The following TACC1 variants were observed in gnomAD, a reference collection of about 807,000 sequenced individuals.
TACC1 encodes the protein transforming acidic coiled-coil-containing protein 1.
TACC1 carries 48 observed loss-of-function variants against 84.4 expected under a neutral mutation model. The observed-to-expected ratio is 0.57, with a 90% CI of 0.45 to 0.72. The LOEUF (loss-of-function observed/expected upper bound fraction) is 0.72. Among genes scored for constraint, TACC1 ranks in the 30% least tolerant of loss-of-function variants. The probability of loss-of-function intolerance (pLI) is 0.00; values close to 1 mark genes in which losing one functional copy is unlikely to be tolerated. For missense variants in TACC1, 920 were observed against 973.0 expected (o/e 0.95, Z 0.72); for synonymous variants, 372 against 376.3 (o/e 0.99, Z 0.13).
intron 3 of TACC1, among the ~76,000 whole-genome samples, chr8:38,759,598 C>T (rs911545048): frequency 6.6e-6 from 1 of 152,184 alleles, no homozygotes; most frequent in African/African-American, 2.4e-5. Flanking sequence ...CAATGCTTGC[C>T]TAAAAGCAAT....
intron 3 of TACC1, among the ~76,000 whole-genome samples, chr8:38,762,191 A>T (rs1156962930): frequency 1.3e-5 from 2 of 152,206 alleles, no homozygotes; most frequent in Non-Finnish European, 2.9e-5. Flanking sequence ...GGCATTAAGT[A>T]CATTGGACAA....
At chr8:38,750,972 T>G (rs1280552863) in intron 3 of TACC1, among the ~76,000 whole-genome samples, 1 of 152,234 alleles carries the variant, frequency 6.6e-6, no homozygotes, top group African/African-American at 2.4e-5. Context: ...GGACCTAGTA[T>G]AGCCACATCG....
intron 3 of TACC1, chr8:38,757,476 G>A (rs567591316): frequency 4.6e-6 from 5 of 1,095,824 alleles, no homozygotes; most frequent in African/African-American, 3.4e-5. Context: ...GATGGAGCGC[G>A]CTGGGGCCCG....
chr8:38,841,612 GAAT>G (rs1231369384), intron 9 of TACC1, among the ~76,000 whole-genome samples: 1 of 152,160 alleles, frequency 6.6e-6, no homozygotes, highest in Non-Finnish European at 1.5e-5. Context: ...TGGACTTGGT[GAAT>G]AATGAGGGTC....
At chr8:38,731,187 C>T (rs548326697) in intron 1 of TACC1, among the ~76,000 whole-genome samples, 43 of 152,268 alleles carry the variant, frequency 2.8e-4, no homozygotes, top group Non-Finnish European at 3.5e-4. Context: ...GATCCTCCTG[C>T]CTCAGCTGCC....
chr8:38,787,575 C>A lies in TACC1; in HGVS notation c.-8C>A, dbSNP rs561876380. On this transcript the variant is annotated 5_prime_UTR_variant, in exon 1 of 13. Transcript: ENST00000317827. ...CCCCTAGGAGCTGGAGCCGGAGGAGCCGCGCTCATGGCGTTCAGCCCGTGG... is the reference window on the plus strand; with the variant it reads ...CCCCTAGGAGCTGGAGCCGGAGGAGACGCGCTCATGGCGTTCAGCCCGTGG... 2.6e-6 allele frequency: 4 copies of A among 1,536,884 alleles called. No homozygotes were observed. The Admixed American group carries it at 8.2e-5, about 32-fold the overall frequency.
intron 3 of TACC1, chr8:38,757,252 C>A: frequency 9.0e-7 from 1 of 1,111,084 alleles, no homozygotes; most frequent in Non-Finnish European, 1.1e-6. Flanking sequence ...TCCCGCCCCA[C>A]CGCCTCCCCG....
Position 38,787,735 on chromosome 8 carries a change from G to A in TACC1, c.153G>A (p.Leu51=), listed in dbSNP as rs1203987807. ...EEDSQAETKS[L]SFSSDSEGNF... ...ATTCGCAAGCCGAGACCAAATCCTT[G>A]AGTTTCAGGCAAGTACACGGCGTCC... is the stretch of plus-strand genomic sequence containing the variant. The change falls in exon 1 of 13, where the codon TTG becomes TTA. Residue 51 remains leucine, a synonymous_variant. Transcript: ENST00000317827. 2 of 1,541,912 alleles carry A rather than the reference G, an allele frequency of 1.3e-6. No homozygotes were observed. Among genetic ancestry groups the A allele is most frequent in the East Asian group, 2.5e-5 (1 of 40,452 alleles).
chr8:38,790,242 T>A lies in TACC1; in HGVS notation c.277+1423T>A, dbSNP rs538955832. Among the ~76,000 whole-genome samples the A allele has an allele frequency of 6.6e-5, 10 of 152,334 alleles. No homozygotes were observed. In the South Asian group the frequency reaches 1.5e-3, roughly 22 times the overall value. ...CTATGTATCTGTCTTACCGTGCCCT[T>A]CCTGTGAGGACACCAGTCGTTGAAG... is the stretch of plus-strand genomic sequence containing the variant. On this transcript the variant is annotated intron_variant, in intron 2 of 12. Transcript: ENST00000317827.
At position 38,755,658 on chromosome 8, in the gene TACC1, C is replaced by T. The variant is rs141495646; in HGVS notation, c.26+10165C>T. 9.3e-5 allele frequency among the ~76,000 whole-genome samples: 14 copies of T among 150,010 alleles called. No homozygotes were observed. The South Asian group carries it at 2.8e-3, about 30-fold the overall frequency. The stretch of plus-strand genomic sequence containing the variant: ...GTTCAAGGCTCCAGTGAGCTTTGAT[C>T]GCACCACGGCACTCCAGCCTGGGCA... On this transcript the variant is annotated intron_variant, in intron 3 of 14. Transcript: ENST00000518415.
At chr8:38,798,923 C>A (rs751284916) in intron 2 of TACC1, among the ~76,000 whole-genome samples, 49 of 151,908 alleles carry the variant, frequency 3.2e-4, no homozygotes, top group Non-Finnish European at 5.9e-5. Flanking sequence ...TAAGTGAGAA[C>A]GAACATATAT....
intron 1 of TACC1, among the ~76,000 whole-genome samples, chr8:38,734,224 GCT>G (rs1304340178): frequency 6.6e-6 from 1 of 152,118 alleles, no homozygotes; most frequent in Non-Finnish European, 1.5e-5. Context: ...ACAGAGTCTT[GCT>G]CTGTCACCCA....
At chr8:38,839,264 G>T (rs1296833695) in intron 8 of TACC1, 8 of 391,016 alleles carry the variant, frequency 2.0e-5, no homozygotes, top group African/African-American at 8.2e-5. Flanking sequence ...TAGAAAGCTT[G>T]TTAACAAGAA....
intron 11 of TACC1, among the ~76,000 whole-genome samples, chr8:38,844,143 A>G (rs927926824): frequency 3.9e-5 from 6 of 152,092 alleles, no homozygotes; most frequent in Non-Finnish European, 8.8e-5. Context: ...TGTTTTTGGC[A>G]AGCAACAGAG....
At chr8:38,798,763 G>A (rs1368882463) in intron 2 of TACC1, among the ~76,000 whole-genome samples, 1 of 152,076 alleles carries the variant, frequency 6.6e-6, no homozygotes, top group African/African-American at 2.4e-5. Flanking sequence ...TGCTTCCGGG[G>A]ATCCTGGGCC....
intron 1 of TACC1, among the ~76,000 whole-genome samples, chr8:38,730,828 A>G (rs1804784065): frequency 6.6e-6 from 1 of 152,254 alleles, no homozygotes; most frequent in Admixed American, 6.5e-5. Flanking sequence ...GGGAAGGAAG[A>G]GTGCTCCTAA....
In TACC1 at chr8:38,822,601, TAAG is replaced by T. The variant is rs1827132917; in HGVS notation, c.1391+1970_1391+1972del. On this transcript the variant is annotated intron_variant, in intron 3 of 12. Transcript: ENST00000317827. Reference sequence around the variant, plus strand: ...TTACTTTATCAACTTTTAAATTTTTTAAGAAGTTTTGACTCTTGTAATAAAACT... The same window carrying T: ...TTACTTTATCAACTTTTAAATTTTTTAAGTTTTGACTCTTGTAATAAAACT... Among the ~76,000 whole-genome samples the T allele has an allele frequency of 2.0e-5, 3 of 152,390 alleles. No individual in the cohort carries two copies. In the South Asian group the frequency reaches 6.2e-4, roughly 32 times the overall value.
chr8:38,745,681 C>T (rs1807955073), intron 3 of TACC1, among the ~76,000 whole-genome samples: 1 of 152,048 alleles, frequency 6.6e-6, no homozygotes, highest in Non-Finnish European at 1.5e-5. Flanking sequence ...GTAGCTGGGA[C>T]TACAGGCGCA....
At chr8:38,833,214 T>C (rs544531696) in intron 6 of TACC1, among the ~76,000 whole-genome samples, 1 of 152,366 alleles carries the variant, frequency 6.6e-6, no homozygotes, top group East Asian at 1.9e-4. Flanking sequence ...CCTGAAGCCA[T>C]AGTTTTTAGT....
Sources: gnomAD v4.1 joint callset for allele counts (sites outside exome capture counted in the v4.1 genomes callset) on GRCh38, gnomAD v4.1.1 for gene constraint, MANE v1.5 for transcripts, NCBI Gene and HGNC (gene_info 2026-07-23, HGNC 2026-07-21) for gene names.